Variants in ZNF473 observed in about 807,000 individuals in gnomAD.
ZNF473 encodes zinc finger protein 100 homolog.
Under a neutral mutation model 11.1 loss-of-function variants are expected in ZNF473, and 4 were observed. The observed-to-expected ratio is 0.36, with a 90% CI of 0.18 to 0.82. The LOEUF is 0.82. Ranked by LOEUF, ZNF473 falls within the 40% of genes least tolerant of loss-of-function variation. The probability of loss-of-function intolerance (pLI) is 0.49; values close to 1 mark genes in which losing one functional copy is unlikely to be tolerated. For synonymous variants in ZNF473, 404 were observed against 390.4 expected (o/e 1.03, Z -0.41); for missense variants, 854 against 1,084.0 (o/e 0.79, Z 2.98).
intron 3 of ZNF473, chr19:50,041,027 C>T (rs531389887): frequency 6.6e-6 from 1 of 152,268 alleles, no homozygotes; most frequent in South Asian, 2.1e-4. Flanking sequence ...GTGGCTTCCA[C>T]CAGCACACTT....
At chr19:50,035,108 G>A (rs568540772) in intron 2 of ZNF473, among the ~76,000 whole-genome samples, 114 of 152,012 alleles carry the variant, frequency 7.5e-4, no homozygotes, top group Non-Finnish European at 1.4e-3. Context: ...CCTGGGCAAC[G>A]TGGTGAAACC....
At chr19:50,042,365 A>G (rs1206392780) in intron 4 of ZNF473, 2 of 152,234 alleles carry the variant, frequency 1.3e-5, no homozygotes, top group Non-Finnish European at 2.9e-5. Context: ...GGTATTACCC[A>G]TGGTAGAGAC....
Position 50,045,937 on chromosome 19 carries a change from T to C in ZNF473, c.1494T>C (p.Asp498=), listed in dbSNP as rs771605883. Residue 498 remains aspartate (D), a synonymous_variant, in exon 5 of 5, where the codon GAT becomes GAC. Coordinates refer to ENST00000270617, the MANE Select transcript of ZNF473 (RefSeq NM_015428.4). ...SCAECKETFS[D]NNRLVQHQKM... ...CTGAATGCAAGGAGACTTTCAGCGA[T>C]AACAATCGCCTTGTGCAACACCAGA... The C allele has an allele frequency of 1.2e-6, 2 of 1,614,182 alleles. No individual in the cohort carries two copies. The highest frequency in any genetic ancestry group is 3.3e-5 in the Admixed American group (2 of 60,014).
chr19:50,036,520 T>A (rs1400846088), intron 2 of ZNF473, among the ~76,000 whole-genome samples: 1 of 149,858 alleles, frequency 6.7e-6, no homozygotes, highest in African/African-American at 2.5e-5. Context: ...GAGGCGGGGT[T>A]TCACTGTGTT....
At chr19:50,029,155 T>C (rs1358913788) in intron 1 of ZNF473, among the ~76,000 whole-genome samples, 1 of 152,238 alleles carries the variant, frequency 6.6e-6, no homozygotes, top group Non-Finnish European at 1.5e-5. Flanking sequence ...TTTTTGTTTT[T>C]GTTTTTGAGA....
In ZNF473 at chr19:50,030,949, A is replaced by C. The variant is rs765090145; in HGVS notation, c.-134A>C. ...CTGGACATTTTGGGGGCTCGTCAGCATGGACAGCGAGTCAGCCATGGGTGG... is the reference window on the plus strand; with the variant it reads ...CTGGACATTTTGGGGGCTCGTCAGCCTGGACAGCGAGTCAGCCATGGGTGG... On this transcript the variant is annotated 5_prime_UTR_variant, in exon 2 of 5. The change abolishes an upstream ATG in the 5' untranslated region. Coordinates refer to ENST00000270617, the MANE Select transcript of ZNF473 (RefSeq NM_015428.4). 267 of 1,338,810 alleles carry C rather than the reference A, an allele frequency of 2.0e-4. No individual in the cohort carries two copies. Among genetic ancestry groups the C allele is most frequent in the Non-Finnish European group, 2.6e-4 (249 of 956,408 alleles). 82.9% of individuals were successfully genotyped at this position (1,338,810 alleles called of 1,614,324 possible).
Position 50,045,361 on chromosome 19 carries a change from G to A in ZNF473, c.918G>A (p.Gln306=). 6.2e-7 allele frequency: 1 copy of A among 1,614,148 alleles called. No homozygotes were observed. Among genetic ancestry groups the A allele is most frequent in the Non-Finnish European group, 8.5e-7 (1 of 1,180,022 alleles). The change falls in exon 5 of 5, where the codon CAG becomes CAA. Residue 306 remains glutamine, a synonymous_variant. Coordinates refer to ENST00000270617, the MANE Select transcript of ZNF473 (RefSeq NM_015428.4). ...DSDHPPSHDT[Q]PGEHQKTHTD... is the part of the protein sequence containing the mutation. Reference sequence around the variant, plus strand: ...ACCACCCACCCAGTCATGACACACAGCCTGGTGAGCATCAGAAAACTCACA... The same window carrying A: ...ACCACCCACCCAGTCATGACACACAACCTGGTGAGCATCAGAAAACTCACA...
At chr19:50,030,381 G>A (rs1348800530) in intron 1 of ZNF473, among the ~76,000 whole-genome samples, 2 of 152,156 alleles carry the variant, frequency 1.3e-5, no homozygotes, top group African/African-American at 4.8e-5. Context: ...GGTGGCACAT[G>A]CTTGTAGTCC....
At chr19:50,030,319 G>A (rs1169485068) in intron 1 of ZNF473, among the ~76,000 whole-genome samples, 2 of 152,162 alleles carry the variant, frequency 1.3e-5, no homozygotes, top group Non-Finnish European at 2.9e-5. Context: ...AACAACTTGG[G>A]CAACAAGTGA....
chr19:50,035,277 T>A (rs944997301), intron 2 of ZNF473, among the ~76,000 whole-genome samples: 1 of 151,696 alleles, frequency 6.6e-6, no homozygotes, highest in African/African-American at 2.4e-5. Context: ...TGGGTGACAG[T>A]GAGACCCTAT....
At chr19:50,038,031 C>T (rs1178562816) in intron 2 of ZNF473, among the ~76,000 whole-genome samples, 2 of 127,508 alleles carry the variant, frequency 1.6e-5, no homozygotes, top group African/African-American at 5.8e-5. Context: ...TTTTTTGAGA[C>T]AGGGTCTCAC....
chr19:50,035,213 G>T (rs1466353145), intron 2 of ZNF473, among the ~76,000 whole-genome samples: 1 of 151,900 alleles, frequency 6.6e-6, no homozygotes. Flanking sequence ...TATCACAGGA[G>T]CCCAAGAAGG....
rs1160034569 is a variant in ZNF473 at position 50,026,123 on chromosome 19, G to A, written c.-192+1G>A. On this transcript the variant is annotated splice_donor_variant, in intron 1 of 4. Coordinates refer to ENST00000270617, the MANE Select transcript of ZNF473 (RefSeq NM_015428.4). LOFTEE classifies it low-confidence loss of function (5UTR_SPLICE). Reference sequence around the variant, plus strand: ...TGACGCGGCCGACTACAATCCCGAGGTACGGAGACGCTGGGGCTGAGGGAC... The same window carrying A: ...TGACGCGGCCGACTACAATCCCGAGATACGGAGACGCTGGGGCTGAGGGAC... 1.3e-5 allele frequency: 2 copies of A among 152,700 alleles called. No individual in the cohort carries two copies. Among genetic ancestry groups the A allele is most frequent in the Non-Finnish European group, 2.9e-5 (2 of 68,054 alleles). 9.5% of individuals were successfully genotyped at this position (152,700 alleles called of 1,614,324 possible).
Position 50,044,850 on chromosome 19 carries a change from A to G in ZNF473, c.407A>G (p.Asp136Gly). The change falls in exon 5 of 5, where the codon GAT (aspartate) becomes GGT (glycine). Residue 136 changes from aspartate to glycine, a missense_variant. Asp to Gly is a moderately conservative substitution (Grantham distance 94). Coordinates refer to ENST00000270617, the MANE Select transcript of ZNF473 (RefSeq NM_015428.4). ...GATCCAGAAAGTCTTCTGAGGTCTGATATTGCCACCAACGGGGAAAGTCCC... is the reference window on the plus strand; with the variant it reads ...GATCCAGAAAGTCTTCTGAGGTCTGGTATTGCCACCAACGGGGAAAGTCCC... ...LGDPESLLRSDIATNGESPTE... is the reference protein window; with the variant it reads ...LGDPESLLRSGIATNGESPTE... 2 of 1,614,242 alleles carry G rather than the reference A, an allele frequency of 1.2e-6. No individual in the cohort carries two copies. Among genetic ancestry groups the G allele is most frequent in the African/African-American group, 2.7e-5 (2 of 75,066 alleles).
Position 50,039,544 on chromosome 19 carries a change from C to G in ZNF473, c.136+257C>G, listed in dbSNP as rs1250973675. 6.6e-6 allele frequency among the ~76,000 whole-genome samples: 1 copy of G among 152,278 alleles called. No homozygotes were observed. The highest frequency in any genetic ancestry group is 1.9e-4 in the East Asian group (1 of 5,206). ...GGAGGCTGCCACACATCCTACAGTG[C>G]ACAGCACAGCCCCACAACCAAGGAT... is the stretch of plus-strand genomic sequence containing the variant. On this transcript the variant is annotated intron_variant, in intron 3 of 4. Transcript: ENST00000270617. This position sits in a 1 kb window ranked among gnomAD's most constrained non-coding sequence, Gnocchi z 4.8.
chr19:50,030,820 A>G, intron 1 of ZNF473, 72 bp from the exon 2 acceptor site: 1 of 554,952 alleles, frequency 1.8e-6, no homozygotes, highest in East Asian at 3.1e-5. Context: ...GCTGTTCTGT[A>G]GGTTCTGAAG....
intron 1 of ZNF473, among the ~76,000 whole-genome samples, chr19:50,028,638 T>C (rs2077300721): frequency 6.6e-6 from 1 of 152,154 alleles, no homozygotes; most frequent in Non-Finnish European, 1.5e-5. Flanking sequence ...GGGGGAGCTT[T>C]AAATGGGCAC....
chr19:50,041,658 G>A, intron 3 of ZNF473, 72 bp from the exon 4 acceptor site: 1 of 1,328,922 alleles, frequency 7.5e-7, no homozygotes, highest in Non-Finnish European at 1.0e-6. Context: ...AGGAGAGCCA[G>A]GAGGTTCTCA....
At position 50,046,551 on chromosome 19, in the gene ZNF473, T is replaced by C. The variant is rs776359764; in HGVS notation, c.2108T>C (p.Val703Ala). ...ERTHARKKPL[V>A]CNECGKTFRQ... The stretch of plus-strand genomic sequence containing the variant: ...ACTCATGCCAGAAAGAAGCCGTTGG[T>C]GTGTAACGAATGCGGGAAAACGTTC... The change falls in exon 5 of 5, where the codon GTG (valine) becomes GCG (alanine). Residue 703 changes from valine (V) to alanine (A), a missense_variant. By Grantham distance (64) the Val-to-Ala change is moderately conservative. Coordinates refer to ENST00000270617, the MANE Select transcript of ZNF473 (RefSeq NM_015428.4). This position sits in a 1 kb window ranked among gnomAD's most constrained non-coding sequence, Gnocchi z 5.9. The C allele has an allele frequency of 1.9e-6, 3 of 1,614,218 alleles. No homozygotes were observed. Among genetic ancestry groups the C allele is most frequent in the Admixed American group, 3.3e-5 (2 of 60,028 alleles).
Sources: gnomAD v4.1 joint callset for allele counts (sites outside exome capture counted in the v4.1 genomes callset) on GRCh38, gnomAD v4.1.1 for gene constraint, Gnocchi (gnomAD v3.1) non-coding constraint, MANE v1.5 for transcripts, NCBI Gene and HGNC (gene_info 2026-07-23, HGNC 2026-07-21) for gene names.